The following TECTA variants were observed in gnomAD, a reference collection of about 807,000 sequenced individuals.
TECTA encodes alpha-tectorin.
A neutral mutation model predicts 216.8 loss-of-function variants in TECTA; 128 were observed. The observed-to-expected ratio is 0.59, with a 90% CI of 0.51 to 0.68. The LOEUF is 0.68. TECTA is among the 30% of genes least tolerant of loss of function. The pLI is 0.00. For missense variants in TECTA, 2,551 were observed against 2,786.2 expected (o/e 0.92, Z 1.90); for synonymous variants, 1,089 against 1,117.1 (o/e 0.97, Z 0.50).
At chr11:121,132,198 G>C (rs1034907583) in intron 10 of TECTA, among the ~76,000 whole-genome samples, 2 of 152,164 alleles carry the variant, frequency 1.3e-5, no homozygotes, top group African/African-American at 4.8e-5. Context: ...ACTGTAAAGA[G>C]ATGTCCTTTT....
intron 21 of TECTA, among the ~76,000 whole-genome samples, chr11:121,188,196 C>T (rs1251462968): frequency 6.6e-6 from 1 of 152,214 alleles, no homozygotes; most frequent in Admixed American, 6.5e-5. Context: ...GTCAACCAGT[C>T]ATTGGCTTAA....
intron 12 of TECTA, among the ~76,000 whole-genome samples, chr11:121,151,185 A>G (rs1442229447): frequency 3.3e-5 from 5 of 152,176 alleles, no homozygotes; most frequent in Non-Finnish European, 7.4e-5. Flanking sequence ...AATCAAGGAG[A>G]GTGTGGGAAA....
chr11:121,113,796 G>C lies in TECTA; in HGVS notation c.790+78G>C. 1 of 1,558,606 alleles carries C rather than the reference G, an allele frequency of 6.4e-7. No homozygotes were observed. Among genetic ancestry groups the C allele is most frequent in the South Asian group, 1.1e-5 (1 of 87,788 alleles). ...ACAGGCAAGCTTTTAAGCCACGGGG[G>C]CGGACTCATTCCTGATGCCTTACTC... On this transcript the variant is annotated intron_variant, in intron 6 of 23. Transcript: ENST00000392793. The surrounding 1 kb of genome is among the most constrained non-coding windows in gnomAD (Gnocchi z 4.2).
chr11:121,116,805 C>A (rs1946506363), intron 6 of TECTA, among the ~76,000 whole-genome samples: 1 of 152,214 alleles, frequency 6.6e-6, no homozygotes, highest in South Asian at 2.1e-4. Context: ...CCTGAAAAAG[C>A]AGGGCCTGGA....
At chr11:121,150,731 C>T (rs370414851) in intron 12 of TECTA, among the ~76,000 whole-genome samples, 6 of 150,256 alleles carry the variant, frequency 4.0e-5, no homozygotes, top group African/African-American at 7.3e-5. Context: ...CTGCAACCAC[C>T]GCCTCCTGGG....
intron 10 of TECTA, among the ~76,000 whole-genome samples, chr11:121,130,808 T>C (rs966911469): frequency 6.6e-6 from 1 of 152,084 alleles, no homozygotes; most frequent in Non-Finnish European, 1.5e-5. Flanking sequence ...AGAAGTAACA[T>C]GGCAGAAAGC....
intron 20 of TECTA, among the ~76,000 whole-genome samples, chr11:121,183,688 C>G (rs530536325): frequency 6.6e-6 from 1 of 152,304 alleles, no homozygotes; most frequent in Admixed American, 6.5e-5. Flanking sequence ...GATCTCACCA[C>G]TGCACTCCAG....
chr11:121,170,966 G>A (rs747148925), intron 20 of TECTA, among the ~76,000 whole-genome samples: 2 of 151,898 alleles, frequency 1.3e-5, no homozygotes, highest in South Asian at 4.1e-4. Flanking sequence ...TTGCTTTGTC[G>A]CTTGGGCTTT....
At position 121,105,179 on chromosome 11, in the gene TECTA, C is replaced by G. The variant is rs1946379779; in HGVS notation, c.65-652C>G. Reference sequence around the variant, plus strand: ...CAATCAGAGCCCTGCAATTCATTCTCTCCAAAGAGTTCTCAAGGACCCAAC... The same window carrying G: ...CAATCAGAGCCCTGCAATTCATTCTGTCCAAAGAGTTCTCAAGGACCCAAC... On this transcript the variant is annotated intron_variant, in intron 2 of 23. Transcript: ENST00000392793. The surrounding 1 kb of genome is among the most constrained non-coding windows in gnomAD (Gnocchi z 5.3). 6.6e-6 allele frequency among the ~76,000 whole-genome samples: 1 copy of G among 152,224 alleles called. No homozygotes were observed. The highest frequency in any genetic ancestry group is 1.5e-5 in the Non-Finnish European group (1 of 68,036).
chr11:121,139,009 C>A (rs1378199991), intron 11 of TECTA, among the ~76,000 whole-genome samples: 1 of 152,252 alleles, frequency 6.6e-6, no homozygotes, highest in Non-Finnish European at 1.5e-5. Flanking sequence ...CCCTGGGCAA[C>A]TATACTGACT....
Position 121,152,985 on chromosome 11 carries a change from GA to G in TECTA, c.4211del (p.Glu1404GlyfsTer53). 1 of 1,614,212 alleles carries G rather than the reference GA, an allele frequency of 6.2e-7. No homozygotes were observed. Among genetic ancestry groups the G allele is most frequent in the East Asian group, 2.2e-5 (1 of 44,892 alleles). On this transcript the variant is annotated frameshift_variant, in exon 13 of 24. Coordinates refer to ENST00000392793, the MANE Select transcript of TECTA (RefSeq NM_005422.4). LOFTEE classifies it high-confidence loss of function. ...LKSDCSHYCV[E>X]GCHCDAGYVL... is the part of the protein sequence containing the mutation. The stretch of plus-strand genomic sequence containing the variant: ...GAGTGACTGCAGCCACTACTGCGTG[GA>G]GGGCTGTCACTGCGACGCTGGCTAC...
At chr11:121,109,177 G>T (rs766712968) in intron 3 of TECTA, 34 bp from the exon 4 acceptor site, 3 of 1,612,904 alleles carry the variant, frequency 1.9e-6, no homozygotes, top group African/African-American at 2.7e-5. Flanking sequence ...TATGGTTTCA[G>T]ATCCACTGTG....
chr11:121,111,981 G>A (rs1297460304), intron 4 of TECTA, among the ~76,000 whole-genome samples: 1 of 152,206 alleles, frequency 6.6e-6, no homozygotes, highest in Non-Finnish European at 1.5e-5. Flanking sequence ...GGGCTTCCAA[G>A]ATCCTCTACC....
At position 121,125,430 on chromosome 11, in the gene TECTA, C is replaced by A. The variant is rs775483215; in HGVS notation, c.1332C>A (p.Tyr444Ter). 1.2e-6 allele frequency: 2 copies of A among 1,614,204 alleles called. No individual in the cohort carries two copies. The highest frequency in any genetic ancestry group is 1.6e-4 in the Middle Eastern group (1 of 6,062). ...TAGTGACTTTTGATGGCCAGCACTA[C>A]GCCTCCATTTCCGTCCCAGGCTCCT... ...GLLVTFDGQH[Y>*]ASISVPGSYI... The change falls in exon 8 of 24, where the codon TAC becomes TAA. Residue 444 changes from tyrosine (Y) to a stop codon, truncating the protein, a stop_gained. Transcript: ENST00000392793. LOFTEE classifies it high-confidence loss of function.
intron 3 of TECTA, among the ~76,000 whole-genome samples, chr11:121,108,286 C>T (rs1946408242): frequency 6.6e-6 from 1 of 151,828 alleles, no homozygotes; most frequent in Non-Finnish European, 1.5e-5. Context: ...CCAGTACACA[C>T]ATACACACAC....
chr11:121,137,407 T>A lies in TECTA; in HGVS notation c.2942-14T>A. 6.2e-7 allele frequency: 1 copy of A among 1,613,924 alleles called. No homozygotes were observed. On this transcript the variant is annotated splice_polypyrimidine_tract_variant and intron_variant, in intron 10 of 23. Coordinates refer to ENST00000392793, the MANE Select transcript of TECTA (RefSeq NM_005422.4). ...TCCTTTTCTCAAACCCGTCTTCTCC[T>A]TGACCACCTGCAGCACTGGAGTGCC...
In TECTA at chr11:121,158,165, C is replaced by T; in HGVS notation, c.4630C>T (p.Pro1544Ser). Reference sequence around the variant, plus strand: ...GGCCCCCAACCTCACCATCATTTCGCCCGTCTACTTCTACATTAACGAAGA... The same window carrying T: ...GGCCCCCAACCTCACCATCATTTCGTCCGTCTACTTCTACATTAACGAAGA... Reference protein sequence around the residue: ...WSAPNLTIISPVYFYINEEQI... With the variant: ...WSAPNLTIISSVYFYINEEQI... Residue 1544 changes from proline to serine, a missense_variant, in exon 14 of 24, where the codon CCC becomes TCC. Coordinates refer to ENST00000392793, the MANE Select transcript of TECTA (RefSeq NM_005422.4). 1 of 1,614,104 alleles carries T rather than the reference C, an allele frequency of 6.2e-7. No homozygotes were observed. The highest frequency in any genetic ancestry group is 8.5e-7 in the Non-Finnish European group (1 of 1,180,034).
At chr11:121,143,435 G>A (rs949067248) in intron 11 of TECTA, among the ~76,000 whole-genome samples, 2 of 152,186 alleles carry the variant, frequency 1.3e-5, no homozygotes, top group African/African-American at 4.8e-5. Context: ...CCTCCTTTGA[G>A]ACCAGGTGTG....
rs764319931 is a variant in TECTA at position 121,125,580 on chromosome 11, C to T, written c.1482C>T (p.His494=). The change falls in exon 8 of 24, where the codon CAC becomes CAT. Residue 494 remains histidine (H), a synonymous_variant. Coordinates refer to ENST00000392793, the MANE Select transcript of TECTA (RefSeq NM_005422.4). The part of the protein sequence containing the change: ...LDLGESWRVY[H]ADWKCDSGCV... Reference sequence around the variant, plus strand: ...TGGGAGAGAGCTGGCGTGTGTACCACGCAGACTGGAAGTGCGACTCCGGCT... The same window carrying T: ...TGGGAGAGAGCTGGCGTGTGTACCATGCAGACTGGAAGTGCGACTCCGGCT... 23 of 1,613,976 alleles carry T rather than the reference C, an allele frequency of 1.4e-5. No homozygotes were observed. The highest frequency in any genetic ancestry group is 3.3e-4 in the Middle Eastern group (2 of 6,084).
Sources: gnomAD v4.1 joint callset for allele counts (sites outside exome capture counted in the v4.1 genomes callset) on GRCh38, gnomAD v4.1.1 for gene constraint, Gnocchi (gnomAD v3.1) non-coding constraint, MANE v1.5 for transcripts, NCBI Gene and HGNC (gene_info 2026-07-23, HGNC 2026-07-21) for gene names.